EDAR: variants seen among roughly 807,000 people sequenced by gnomAD.
EDAR encodes the protein tumor necrosis factor receptor superfamily member EDAR.
A neutral mutation model predicts 51.3 loss-of-function variants in EDAR; 38 were observed. The observed-to-expected ratio is 0.74, with a 90% CI of 0.57 to 0.97. The LOEUF is 0.97. Ranked by LOEUF, EDAR falls within the 50% of genes least tolerant of loss-of-function variation. EDAR has a pLI of 0.00. For missense variants in EDAR, 528 were observed against 595.0 expected (o/e 0.89, Z 1.17); for synonymous variants, 227 against 242.1 (o/e 0.94, Z 0.58).
chr2:108,912,857 G>T, intron 5 of EDAR, 93 bp from the exon 6 acceptor site: 1 of 1,073,080 alleles, frequency 9.3e-7, no homozygotes, highest in Non-Finnish European at 1.4e-6. Flanking sequence ...TCATGATCAT[G>T]AATGGGCCTG....
At chr2:108,934,441 C>T (rs1400801308) in intron 1 of EDAR, among the ~76,000 whole-genome samples, 1 of 152,166 alleles carries the variant, frequency 6.6e-6, no homozygotes, top group Admixed American at 6.5e-5. Flanking sequence ...ACCTGACTGA[C>T]GTGGGGCTCC....
intron 5 of EDAR, among the ~76,000 whole-genome samples, chr2:108,914,185 G>A (rs541065066): frequency 2.7e-5 from 4 of 150,598 alleles, no homozygotes; most frequent in East Asian, 3.9e-4. Context: ...GCTTGAACCC[G>A]GGAGGTGGAG....
At chr2:108,944,479 T>G (rs1037908983) in intron 1 of EDAR, among the ~76,000 whole-genome samples, 1 of 152,172 alleles carries the variant, frequency 6.6e-6, no homozygotes, top group Non-Finnish European at 1.5e-5. Flanking sequence ...ACAATGGCCA[T>G]GGAGCCAATG....
intron 5 of EDAR, among the ~76,000 whole-genome samples, chr2:108,921,621 T>C (rs1697143142): frequency 6.6e-6 from 1 of 152,166 alleles, no homozygotes; most frequent in South Asian, 2.1e-4. Context: ...AGTGACTCCA[T>C]GGGGCTTTCT....
chr2:108,899,960 T>C (rs1253540869), intron 11 of EDAR, among the ~76,000 whole-genome samples: 1 of 152,074 alleles, frequency 6.6e-6, no homozygotes, highest in African/African-American at 2.4e-5. Flanking sequence ...CTCTCCAACC[T>C]GGGTGGCAGA....
At chr2:108,929,402 G>A in intron 3 of EDAR, 23 bp from the exon 4 acceptor site, 1 of 1,613,086 alleles carries the variant, frequency 6.2e-7, no homozygotes. Flanking sequence ...AGAGGACAGG[G>A]GACACAGGTG....
At chr2:108,962,191 C>T (rs764371639) in intron 1 of EDAR, among the ~76,000 whole-genome samples, 10 of 152,178 alleles carry the variant, frequency 6.6e-5, no homozygotes, top group South Asian at 2.1e-4. Flanking sequence ...TGGCAGATGG[C>T]GCATTGCAGA....
chr2:108,907,302 T>A (rs536068976), intron 10 of EDAR, among the ~76,000 whole-genome samples: 54 of 152,340 alleles, frequency 3.5e-4, no homozygotes, highest in Admixed American at 1.4e-3. Flanking sequence ...TGATTTTACC[T>A]TTTTTCTCCT....
At chr2:108,951,640 G>C in intron 1 of EDAR, among the ~76,000 whole-genome samples, 1 of 152,038 alleles carries the variant, frequency 6.6e-6, no homozygotes, top group South Asian at 2.1e-4. Context: ...TCAGGATGGG[G>C]CCTTGGGTAA....
chr2:108,936,240 T>G (rs1345593548), intron 1 of EDAR, among the ~76,000 whole-genome samples: 1 of 152,242 alleles, frequency 6.6e-6, no homozygotes, highest in African/African-American at 2.4e-5. Context: ...GCAGGCCTGA[T>G]GGTTCGGAGT....
intron 1 of EDAR, among the ~76,000 whole-genome samples, chr2:108,951,739 C>T (rs1697831544): frequency 6.6e-6 from 1 of 152,122 alleles, no homozygotes; most frequent in Middle Eastern, 3.4e-3. Context: ...TTCTGCGAGT[C>T]CACGAGGTTC....
At chr2:108,931,898 T>C (rs1318389901) in intron 1 of EDAR, among the ~76,000 whole-genome samples, 2 of 152,144 alleles carry the variant, frequency 1.3e-5, no homozygotes, top group Non-Finnish European at 2.9e-5. Context: ...CACTGTCCTC[T>C]TGCCACAACA....
At chr2:108,956,274 G>A (rs1018228203) in intron 1 of EDAR, among the ~76,000 whole-genome samples, 1 of 152,186 alleles carries the variant, frequency 6.6e-6, no homozygotes, top group African/African-American at 2.4e-5. Flanking sequence ...TGCCTGGCTG[G>A]AGATACCCTT....
Position 108,898,306 on chromosome 2 carries a change from C to T in EDAR, c.1025-1077G>A, listed in dbSNP as rs569238635. Among the ~76,000 whole-genome samples, 16 of 152,252 alleles carry T rather than the reference C, an allele frequency of 1.1e-4. No individual in the cohort carries two copies. The South Asian group carries it at 2.9e-3, about 28-fold the overall frequency. On this transcript the variant is annotated intron_variant, in intron 11 of 11. Coordinates refer to ENST00000258443, the MANE Select transcript of EDAR (RefSeq NM_022336.4). The stretch of plus-strand genomic sequence containing the variant: ...CAGCTGGTAAAAACTCCTCTGCCCC[C>T]GTGGTGACCATGTCAGTAGCCATAC...
chr2:108,981,334 C>A (rs1698416868), intron 1 of EDAR, among the ~76,000 whole-genome samples: 1 of 152,214 alleles, frequency 6.6e-6, no homozygotes, highest in Non-Finnish European at 1.5e-5. Flanking sequence ...AGTCCAACCC[C>A]ACCAGGACCA....
At chr2:108,961,268 C>T (rs2104404134) in intron 1 of EDAR, among the ~76,000 whole-genome samples, 1 of 151,964 alleles carries the variant, frequency 6.6e-6, no homozygotes, top group Admixed American at 6.5e-5. Context: ...GTTGCCAGTC[C>T]TTTCCCTCCT....
At chr2:108,909,693 T>A (rs890049381) in intron 9 of EDAR, among the ~76,000 whole-genome samples, 2 of 152,178 alleles carry the variant, frequency 1.3e-5, no homozygotes, top group African/African-American at 4.8e-5. Flanking sequence ...CAGGACCAAG[T>A]CCAAATGACC....
intron 1 of EDAR, among the ~76,000 whole-genome samples, chr2:108,985,963 C>T (rs986052452): frequency 9.2e-5 from 14 of 152,200 alleles, no homozygotes; most frequent in Admixed American, 9.2e-4. Flanking sequence ...TCCCTTAATA[C>T]ATGACCTAAT....
chr2:108,949,178 C>T (rs980643442), intron 1 of EDAR, among the ~76,000 whole-genome samples: 4 of 151,966 alleles, frequency 2.6e-5, no homozygotes, highest in African/African-American at 4.8e-5. Flanking sequence ...GATGGGATTT[C>T]CCCATGTTGC....
Sources: gnomAD v4.1 joint callset for allele counts (sites outside exome capture counted in the v4.1 genomes callset) on GRCh38, gnomAD v4.1.1 for gene constraint, MANE v1.5 for transcripts, NCBI Gene and HGNC (gene_info 2026-07-23, HGNC 2026-07-21) for gene names.